Variants in FUT8 observed in about 807,000 individuals in gnomAD.
The protein encoded by FUT8 is alpha-(1,6)-fucosyltransferase.
In FUT8, 29 loss-of-function variants were observed where a neutral mutation model predicts 71.3. The observed-to-expected ratio is 0.41, with a 90% CI of 0.30 to 0.55. FUT8 has a LOEUF of 0.55. Ranked by LOEUF, FUT8 falls within the 20% of genes least tolerant of loss-of-function variation. FUT8 has a pLI of 0.34. For missense variants in FUT8, 544 were observed against 702.1 expected (o/e 0.77, Z 2.55); for synonymous variants, 254 against 239.3 (o/e 1.06, Z -0.57).
the FUT8 span, among the ~76,000 whole-genome samples, chr14:65,399,833 T>C: frequency 2.0e-5 from 3 of 152,244 alleles, no homozygotes; most frequent in African/African-American, 7.2e-5. Context: ...TATTAAAACT[T>C]CATTGGAAAC....
At chr14:65,390,564 G>T in the FUT8 span, among the ~76,000 whole-genome samples, 4 of 151,390 alleles carry the variant, frequency 2.6e-5, no homozygotes, top group East Asian at 7.7e-4. Context: ...AGTAATTCAG[G>T]TTTTCTAAAA....
In FUT8 at chr14:65,451,575, C is replaced by T. The variant is rs996892920; in HGVS notation, c.-325-4046C>T. On this transcript the variant is annotated intron_variant, in intron 1 of 10. Coordinates refer to ENST00000673929, the MANE Select transcript of FUT8 (RefSeq NM_001371533.1). Reference sequence around the variant, plus strand: ...GGGCCACTGTGAAAGCCTTTTGTATCCACACTTGTGGCTCCTGAGCTCTTG... The same window carrying T: ...GGGCCACTGTGAAAGCCTTTTGTATTCACACTTGTGGCTCCTGAGCTCTTG... Among the ~76,000 whole-genome samples, 11 of 152,220 alleles carry T rather than the reference C, an allele frequency of 7.2e-5. 1 individual carries two copies. The highest frequency in any genetic ancestry group is 7.2e-4 in the Admixed American group (11 of 15,286).
Position 65,517,292 on chromosome 14 carries a change from T to C in FUT8, c.-227-44045T>C, listed in dbSNP as rs149884209. On this transcript the variant is annotated intron_variant, in intron 2 of 10. Transcript: ENST00000673929. ...CTAAATATCTGAATTTTCAGTGTTA[T>C]CAGTGAATATTTATTGAATACCTTG... 3.5e-3 allele frequency among the ~76,000 whole-genome samples: 526 copies of C among 152,282 alleles called. 2 individuals carry two copies. Among genetic ancestry groups the C allele is most frequent in the African/African-American group, 0.012 (499 of 41,560 alleles).
intron 3 of FUT8, among the ~76,000 whole-genome samples, chr14:65,563,548 G>A (rs1349560783): frequency 1.3e-5 from 2 of 151,942 alleles, no homozygotes; most frequent in African/African-American, 4.8e-5. Context: ...AACATCTTAG[G>A]TATGAGATCA....
chr14:65,634,561 T>TAAA (rs35052434), intron 6 of FUT8, among the ~76,000 whole-genome samples: 8 of 124,014 alleles, frequency 6.5e-5, no homozygotes, highest in Non-Finnish European at 1.0e-4. Flanking sequence ...AATGATCAAT[T>TAAA]AAAAAAAAAA....
chr14:65,664,073 A>C (rs112814072), intron 6 of FUT8, among the ~76,000 whole-genome samples: 25 of 152,200 alleles, frequency 1.6e-4, no homozygotes, highest in African/African-American at 6.0e-4. Flanking sequence ...AGTACATCTA[A>C]AAACTGTTCT....
intron 2 of FUT8, among the ~76,000 whole-genome samples, chr14:65,541,920 A>G (rs942262399): frequency 1.3e-5 from 2 of 152,158 alleles, no homozygotes; most frequent in Admixed American, 1.3e-4. Flanking sequence ...TTCTCTTGCA[A>G]TTCTTAAAGC....
chr14:65,680,611 A>G (rs1396136638), intron 7 of FUT8, among the ~76,000 whole-genome samples: 1 of 152,246 alleles, frequency 6.6e-6, no homozygotes, highest in Non-Finnish European at 1.5e-5. Context: ...TGTTGATTAG[A>G]AAGCTGTACA....
chr14:65,727,098 C>A lies in FUT8; in HGVS notation c.1259+2775C>A, dbSNP rs187828986. On this transcript the variant is annotated intron_variant, in intron 9 of 10. Coordinates refer to ENST00000673929, the MANE Select transcript of FUT8 (RefSeq NM_001371533.1). ...CCTATGGCTTTGCAGTGTATAGCCC[C>A]CCTCCTGGCTGCTTTCACGGGCTGT... 4.5e-3 allele frequency among the ~76,000 whole-genome samples: 692 copies of A among 152,284 alleles called. 3 individuals carry two copies. Among genetic ancestry groups the A allele is most frequent in the Non-Finnish European group, 7.0e-3 (477 of 68,018 alleles).
chr14:65,519,039 G>T (rs1449715876), intron 2 of FUT8, among the ~76,000 whole-genome samples: 5 of 152,164 alleles, frequency 3.3e-5, no homozygotes, highest in Admixed American at 3.3e-4. Flanking sequence ...ATACAGCAAT[G>T]ATAAATTAGA....
intron 2 of FUT8, among the ~76,000 whole-genome samples, chr14:65,553,429 A>G (rs1190660458): frequency 1.3e-5 from 2 of 152,046 alleles, no homozygotes; most frequent in Admixed American, 6.6e-5. Context: ...TGAGTTTAAC[A>G]GCTTTTTATC....
intron 1 of FUT8, among the ~76,000 whole-genome samples, chr14:65,421,079 G>T (rs556121156): frequency 6.6e-6 from 1 of 151,732 alleles, no homozygotes; most frequent in South Asian, 2.1e-4. Context: ...TGTAGTCTCA[G>T]CTATTCAGGA....
At chr14:65,426,397 A>G (rs778112071) in intron 1 of FUT8, among the ~76,000 whole-genome samples, 14 of 151,984 alleles carry the variant, frequency 9.2e-5, no homozygotes, top group Non-Finnish European at 1.6e-4. Flanking sequence ...AAGCACACAA[A>G]TTTATTCAAT....
At chr14:65,506,465 TA>T (rs975236713) in intron 2 of FUT8, among the ~76,000 whole-genome samples, 1 of 152,198 alleles carries the variant, frequency 6.6e-6, no homozygotes, top group African/African-American at 2.4e-5. Flanking sequence ...AGATTTCACA[TA>T]AAAATTTAGC....
At chr14:65,549,647 T>C (rs1885176213) in intron 2 of FUT8, among the ~76,000 whole-genome samples, 1 of 152,200 alleles carries the variant, frequency 6.6e-6, no homozygotes, top group Admixed American at 6.5e-5. Context: ...TGTAAATGGC[T>C]TTTTGCCTAA....
intron 7 of FUT8, among the ~76,000 whole-genome samples, chr14:65,705,234 C>T (rs1459768035): frequency 1.3e-5 from 2 of 152,160 alleles, no homozygotes; most frequent in South Asian, 2.1e-4. Flanking sequence ...GAGATCTCTA[C>T]AGGCCACAGT....
At chr14:65,503,057 C>A (rs999480320) in intron 2 of FUT8, among the ~76,000 whole-genome samples, 1 of 152,196 alleles carries the variant, frequency 6.6e-6, no homozygotes, top group African/African-American at 2.4e-5. Flanking sequence ...CTATTGTAAG[C>A]CTGCCCGTCT....
At position 65,742,151 on chromosome 14, in the gene FUT8, T is replaced by G; in HGVS notation, c.1469T>G (p.Phe490Cys). Reference sequence around the variant, plus strand: ...CTACATCCTGATGCCTCTGCAAACTTCCATTCTTTAGATGACATCTACTAT... The same window carrying G: ...CTACATCCTGATGCCTCTGCAAACTGCCATTCTTTAGATGACATCTACTAT... Reference protein sequence around the residue: ...QTLHPDASANFHSLDDIYYFG... With the variant: ...QTLHPDASANCHSLDDIYYFG... The change falls in exon 11 of 11, where the codon TTC (phenylalanine) becomes TGC (cysteine). Residue 490 changes from phenylalanine (F) to cysteine (C), a missense_variant. Phe to Cys is a radical substitution (Grantham distance 205). Transcript: ENST00000673929. The G allele has an allele frequency of 6.2e-7, 1 of 1,613,116 alleles. No individual in the cohort carries two copies. The highest frequency in any genetic ancestry group is 8.5e-7 in the Non-Finnish European group (1 of 1,179,390).
At chr14:65,479,291 C>G (rs891520428) in intron 2 of FUT8, among the ~76,000 whole-genome samples, 8 of 152,172 alleles carry the variant, frequency 5.3e-5, no homozygotes, top group Non-Finnish European at 1.5e-5. Flanking sequence ...AACATTAACT[C>G]CTTCAGATAG....
Sources: gnomAD v4.1 joint callset for allele counts (sites outside exome capture counted in the v4.1 genomes callset) on GRCh38, gnomAD v4.1.1 for gene constraint, MANE v1.5 for transcripts, NCBI Gene and HGNC (gene_info 2026-07-23, HGNC 2026-07-21) for gene names.